Variants in PRPF18 observed in about 807,000 individuals in gnomAD.
PRPF18 encodes the protein pre-mRNA-splicing factor 18.
Under a neutral mutation model 46.5 loss-of-function variants are expected in PRPF18, and 38 were observed. The observed-to-expected ratio is 0.82, with a 90% CI of 0.63 to 1.07. PRPF18 has a LOEUF of 1.07. Among genes scored for constraint, PRPF18 ranks in the 50% least tolerant of loss-of-function variants. The pLI is 0.00. For synonymous variants in PRPF18, 152 were observed against 146.7 expected (o/e 1.04, Z -0.26); for missense variants, 263 against 410.0 (o/e 0.64, Z 3.10).
intron 1 of PRPF18, among the ~76,000 whole-genome samples, chr10:13,588,627 A>AT (rs1418457254): frequency 1.3e-5 from 2 of 151,942 alleles, no homozygotes; most frequent in Admixed American, 1.3e-4. Context: ...GTAAATCCCA[A>AT]TTTTTTAAAT....
the PRPF18 span, chr10:13,644,705 C>T: frequency 2.0e-5 from 3 of 152,212 alleles, no homozygotes; most frequent in South Asian, 6.2e-4. Context: ...TTGACTTTTC[C>T]TGTTGCACAC....
chr10:13,627,446 G>T (rs1204511874), intron 9 of PRPF18, among the ~76,000 whole-genome samples: 2 of 152,124 alleles, frequency 1.3e-5, no homozygotes, highest in Admixed American at 1.3e-4. Context: ...AAGTTTTTAA[G>T]CCATTTGCCA....
chr10:13,648,543 C>T, the PRPF18 span: 8 of 152,242 alleles, frequency 5.3e-5, no homozygotes, highest in South Asian at 4.2e-4. Flanking sequence ...GAGAGTCCCC[C>T]GATCAAAATC....
chr10:13,591,409 T>A (rs2079959360), intron 1 of PRPF18: 5 of 466,428 alleles, frequency 1.1e-5, no homozygotes. Context: ...TTTTATTCAG[T>A]CCTCCTTTTT....
chr10:13,627,963 A>G (rs1309738498), intron 9 of PRPF18, among the ~76,000 whole-genome samples: 2 of 152,036 alleles, frequency 1.3e-5, no homozygotes, highest in Non-Finnish European at 2.9e-5. Flanking sequence ...CTTCTCACCT[A>G]TTCCTTCAGG....
rs1249363866 is a variant in PRPF18 at position 13,614,003 on chromosome 10, TA to T, written c.721-11del. ...ATAGTAGCTTCCAAAATTTCTTATT[TA>T]TTTTTTTCAGAATCTTCCTGCTGAT... On this transcript the variant is annotated splice_polypyrimidine_tract_variant and intron_variant, in intron 7 of 9. Coordinates refer to ENST00000378572, the MANE Select transcript of PRPF18 (RefSeq NM_003675.4). The T allele has an allele frequency of 1.3e-5, 20 of 1,568,662 alleles. No individual in the cohort carries two copies. Among genetic ancestry groups the T allele is most frequent in the Non-Finnish European group, 1.7e-5 (20 of 1,154,628 alleles).
At position 13,587,166 on chromosome 10, in the gene PRPF18, G is replaced by T. The variant is rs368466889; in HGVS notation, c.66+14G>T. On this transcript the variant is annotated intron_variant, in intron 1 of 9. Coordinates refer to ENST00000378572, the MANE Select transcript of PRPF18 (RefSeq NM_003675.4). ...AACCTGCTGGTGGTGAGGACCCTGC[G>T]GTCGTGGGGGTCGGGATGTAAGAGT... 6.2e-7 allele frequency: 1 copy of T among 1,608,278 alleles called. No homozygotes were observed.
chr10:13,607,072 C>A (rs2080197799), intron 4 of PRPF18, among the ~76,000 whole-genome samples: 1 of 152,070 alleles, frequency 6.6e-6, no homozygotes, highest in Non-Finnish European at 1.5e-5. Flanking sequence ...TGTGTAGTGT[C>A]TGTTAAAGTC....
At chr10:13,596,689 C>T (rs1370662174) in intron 1 of PRPF18, among the ~76,000 whole-genome samples, 1 of 152,152 alleles carries the variant, frequency 6.6e-6, no homozygotes, top group Non-Finnish European at 1.5e-5. Context: ...AAAGGACTGA[C>T]ATCTTTTTAG....
At chr10:13,655,504 A>C in the PRPF18 span, 1 of 152,084 alleles carries the variant, frequency 6.6e-6, no homozygotes, top group Non-Finnish European at 1.5e-5. Flanking sequence ...AACACCCACC[A>C]TTACCTGATC....
chr10:13,639,121 C>T, the PRPF18 span: 10 of 152,186 alleles, frequency 6.6e-5, no homozygotes, highest in African/African-American at 2.4e-4. Context: ...AGAGCATTTA[C>T]TTGAAGTGGT....
At chr10:13,604,362 A>G (rs1437154307) in intron 3 of PRPF18, among the ~76,000 whole-genome samples, 1 of 152,198 alleles carries the variant, frequency 6.6e-6, no homozygotes, top group Non-Finnish European at 1.5e-5. Flanking sequence ...AAAATGACAT[A>G]CATAGCATGT....
intron 9 of PRPF18, among the ~76,000 whole-genome samples, chr10:13,620,674 A>T (rs1458229679): frequency 6.6e-6 from 1 of 152,226 alleles, no homozygotes; most frequent in Non-Finnish European, 1.5e-5. Context: ...TGTAAATGGA[A>T]ACTTGTAATG....
chr10:13,628,159 G>T (rs769319894), intron 9 of PRPF18, among the ~76,000 whole-genome samples: 6 of 152,202 alleles, frequency 3.9e-5, no homozygotes, highest in Non-Finnish European at 8.8e-5. Flanking sequence ...AGTGAATGAC[G>T]TGTGCAAAAG....
the PRPF18 span, among the ~76,000 whole-genome samples, chr10:13,636,297 G>A: frequency 1.3e-5 from 2 of 152,110 alleles, no homozygotes; most frequent in South Asian, 2.1e-4. Flanking sequence ...TGGCGCGCAC[G>A]TGTAGTCCCA....
chr10:13,590,620 CA>C (rs35395677), intron 1 of PRPF18, among the ~76,000 whole-genome samples: 11,538 of 84,326 alleles, frequency 0.14, 467 homozygotes, highest in Non-Finnish European at 0.19. Context: ...GACTCCATCT[CA>C]AAAAAAAAAA....
At chr10:13,615,699 A>G (rs1328065407) in intron 8 of PRPF18, among the ~76,000 whole-genome samples, 1 of 151,844 alleles carries the variant, frequency 6.6e-6, no homozygotes, top group Non-Finnish European at 1.5e-5. Context: ...GTTCTTCCTC[A>G]CAGCTAGCCA....
At chr10:13,632,360 A>G (rs1243591550), downstream of PRPF18, among the ~76,000 whole-genome samples, 1 of 152,156 alleles carries the variant, frequency 6.6e-6, no homozygotes, top group Non-Finnish European at 1.5e-5. Flanking sequence ...GCAAAAAAAA[A>G]TCAGTTAGAG....
At chr10:13,654,479 G>C in the PRPF18 span, 13 of 1,613,664 alleles carry the variant, frequency 8.1e-6, no homozygotes, top group East Asian at 2.2e-5. Flanking sequence ...TTCACTTGAC[G>C]GTGTCGAGCT....
Sources: gnomAD v4.1 joint callset for allele counts (sites outside exome capture counted in the v4.1 genomes callset) on GRCh38, gnomAD v4.1.1 for gene constraint, MANE v1.5 for transcripts, NCBI Gene and HGNC (gene_info 2026-07-23, HGNC 2026-07-21) for gene names.